NRIP1: variants seen among roughly 807,000 people sequenced by gnomAD.
The protein encoded by NRIP1 is nuclear receptor interacting protein 1.
A neutral mutation model predicts 75.0 loss-of-function variants in NRIP1; 28 were observed. The ratio of observed to expected loss-of-function variants is 0.37; its 90% CI spans 0.28 to 0.51. NRIP1 has a LOEUF of 0.51. Ranked by LOEUF, NRIP1 falls within the 20% of genes least tolerant of loss-of-function variation. The pLI is 0.92. For missense variants in NRIP1, 1,435 were observed against 1,343.7 expected (o/e 1.07, Z -1.06); for synonymous variants, 526 against 487.6 (o/e 1.08, Z -1.04).
intron 1 of NRIP1, among the ~76,000 whole-genome samples, chr21:15,055,416 A>G (rs1430301657): frequency 6.6e-6 from 1 of 152,234 alleles, no homozygotes; most frequent in African/African-American, 2.4e-5. Flanking sequence ...CATGTACATA[A>G]CTGTACTATT....
At chr21:14,970,742 T>A (rs907178710) in intron 3 of NRIP1, among the ~76,000 whole-genome samples, 13 of 152,168 alleles carry the variant, frequency 8.5e-5, no homozygotes, top group Admixed American at 2.6e-4. Flanking sequence ...TAAACAGCCA[T>A]AAAACATACT....
At chr21:14,988,175 G>A (rs1362110329) in intron 3 of NRIP1, 3 of 151,984 alleles carry the variant, frequency 2.0e-5, no homozygotes, top group African/African-American at 4.8e-5. Context: ...TAACTGTTCC[G>A]AGGCTCAGTT....
chr21:15,030,640 T>G (rs1426409828), intron 2 of NRIP1, among the ~76,000 whole-genome samples: 8 of 152,190 alleles, frequency 5.3e-5, no homozygotes, highest in African/African-American at 1.9e-4. Context: ...AAAATTATGC[T>G]CCCAATGACT....
chr21:15,021,354 T>C (rs529446407), intron 2 of NRIP1, among the ~76,000 whole-genome samples: 1 of 152,326 alleles, frequency 6.6e-6, no homozygotes, highest in Admixed American at 6.5e-5. Context: ...ATATGAAATG[T>C]CTTAAAAAGC....
At chr21:15,006,579 G>C (rs1281011787) in intron 3 of NRIP1, among the ~76,000 whole-genome samples, 3 of 152,160 alleles carry the variant, frequency 2.0e-5, no homozygotes, top group African/African-American at 4.8e-5. Context: ...TAGTTCTAAA[G>C]AGTATTTAGT....
intron 3 of NRIP1, among the ~76,000 whole-genome samples, chr21:14,971,933 T>C (rs1196487862): frequency 6.6e-6 from 1 of 152,218 alleles, no homozygotes; most frequent in African/African-American, 2.4e-5. Context: ...TTTCATTAAT[T>C]TCTTTGAAAA....
At chr21:15,016,868 G>C (rs1236869676) in intron 2 of NRIP1, among the ~76,000 whole-genome samples, 2 of 151,416 alleles carry the variant, frequency 1.3e-5, no homozygotes, top group Admixed American at 6.6e-5. Context: ...CTGGGCGACA[G>C]AGCGAGACTC....
intron 2 of NRIP1, among the ~76,000 whole-genome samples, chr21:15,039,346 G>C (rs7281183): frequency 6.6e-6 from 1 of 151,950 alleles, no homozygotes; most frequent in East Asian, 1.9e-4. Context: ...TGATTATGCC[G>C]TTTATTTCTC....
At chr21:15,011,877 T>C (rs1386160098) in intron 3 of NRIP1, among the ~76,000 whole-genome samples, 1 of 152,198 alleles carries the variant, frequency 6.6e-6, no homozygotes, top group Non-Finnish European at 1.5e-5. Flanking sequence ...AATATGATGA[T>C]TGTATCTCTT....
intron 2 of NRIP1, among the ~76,000 whole-genome samples, chr21:15,024,713 T>G (rs566049916): frequency 1.2e-3 from 182 of 151,410 alleles, no homozygotes; most frequent in African/African-American, 4.0e-3. Flanking sequence ...CACTGTGGAG[T>G]GGAAGAAATG....
intron 2 of NRIP1, among the ~76,000 whole-genome samples, chr21:15,027,200 C>A (rs1349923741): frequency 2.0e-5 from 3 of 152,068 alleles, no homozygotes; most frequent in Non-Finnish European, 4.4e-5. Flanking sequence ...AAAGCGGTTG[C>A]AAGACACCAG....
intron 3 of NRIP1, among the ~76,000 whole-genome samples, chr21:14,971,029 A>G (rs1043014636): frequency 1.3e-5 from 2 of 152,356 alleles, no homozygotes; most frequent in South Asian, 2.1e-4. Context: ...AAAGTAGATG[A>G]CAGATATTAA....
intron 3 of NRIP1, among the ~76,000 whole-genome samples, chr21:15,006,973 A>G (rs924129380): frequency 2.6e-5 from 4 of 152,152 alleles, no homozygotes; most frequent in African/African-American, 9.7e-5. Flanking sequence ...AAAAATGAGT[A>G]AGGGCTAGCC....
At chr21:15,062,156 T>C (rs778727496) in intron 1 of NRIP1, among the ~76,000 whole-genome samples, 3 of 152,228 alleles carry the variant, frequency 2.0e-5, no homozygotes, top group Admixed American at 6.5e-5. Flanking sequence ...ACTTCCTCCA[T>C]GGACAATGTG....
At chr21:14,996,949 T>C (rs1011217022) in intron 3 of NRIP1, among the ~76,000 whole-genome samples, 1 of 152,050 alleles carries the variant, frequency 6.6e-6, no homozygotes, top group East Asian at 1.9e-4. Context: ...TAAATCACTT[T>C]ATTAAAAATT....
At chr21:15,060,172 T>C (rs953229300) in intron 1 of NRIP1, among the ~76,000 whole-genome samples, 1 of 152,164 alleles carries the variant, frequency 6.6e-6, no homozygotes, top group African/African-American at 2.4e-5. Context: ...TCAGTTTCTA[T>C]ATTTATTGCA....
At chr21:15,059,619 G>C (rs1394430329) in intron 1 of NRIP1, among the ~76,000 whole-genome samples, 1 of 151,996 alleles carries the variant, frequency 6.6e-6, no homozygotes, top group Non-Finnish European at 1.5e-5. Context: ...ACATATGCTG[G>C]AGTTCTTGAA....
intron 3 of NRIP1, among the ~76,000 whole-genome samples, chr21:15,001,857 AT>A (rs1010438004): frequency 5.9e-5 from 9 of 152,186 alleles, no homozygotes; most frequent in African/African-American, 2.2e-4. Context: ...GATGGTTAAA[AT>A]CTTACAGTAC....
intron 2 of NRIP1, among the ~76,000 whole-genome samples, chr21:15,037,069 T>C (rs11910953): frequency 0.035 from 5,378 of 152,238 alleles, 331 homozygotes; most frequent in African/African-American, 0.12. Context: ...CAAAATTTGT[T>C]TAGCTAACAT....
Sources: gnomAD v4.1 joint callset for allele counts (sites outside exome capture counted in the v4.1 genomes callset) on GRCh38, gnomAD v4.1.1 for gene constraint, MANE v1.5 for transcripts, NCBI Gene and HGNC (gene_info 2026-07-23, HGNC 2026-07-21) for gene names.